SGCD: variants seen among roughly 807,000 people sequenced by gnomAD.
The protein encoded by SGCD is sarcoglycan delta.
A neutral mutation model predicts 36.6 loss-of-function variants in SGCD; 18 were observed. The observed-to-expected ratio is 0.49, with a 90% CI of 0.34 to 0.73. The LOEUF (loss-of-function observed/expected upper bound fraction) is 0.73. Among genes scored for constraint, SGCD ranks in the 30% least tolerant of loss-of-function variants. SGCD has a pLI of 0.01. For missense variants in SGCD, 387 were observed against 346.7 expected, an observed-to-expected ratio of 1.12 and a Z score of -0.92; for synonymous variants, 133 against 130.6, an observed-to-expected ratio of 1.02 and a Z score of -0.12.
the SGCD span, among the ~76,000 whole-genome samples, chr5:155,773,762 G>A: frequency 6.6e-6 from 1 of 152,134 alleles, no homozygotes; most frequent in Non-Finnish European, 1.5e-5. Flanking sequence ...GGGTTGAAGA[G>A]TATTTAAGGT....
In SGCD at chr5:156,551,940, G is replaced by A. The variant is rs553783933; in HGVS notation, c.295-37291G>A. On this transcript the variant is annotated intron_variant, in intron 4 of 8. Coordinates refer to ENST00000337851, the MANE Select transcript of SGCD (RefSeq NM_000337.6). ...CCAGAAAGCCTTTTCTAACCGACCT[G>A]AAAAAATGGGGTTCTTGTTTATTTT... is the stretch of plus-strand genomic sequence containing the variant. Among the ~76,000 whole-genome samples, 18 of 152,202 alleles carry A rather than the reference G, an allele frequency of 1.2e-4. No homozygotes were observed. The South Asian group carries it at 3.7e-3, about 32-fold the overall frequency.
rs536698179 is a variant in SGCD, at chr5:156,609,058, T to C, written c.502+14007T>C. Among the ~76,000 whole-genome samples, 14 of 142,204 alleles carry C rather than the reference T, an allele frequency of 9.8e-5. No homozygotes were observed. The South Asian group carries it at 3.1e-3, about 31-fold the overall frequency. The allele number at this position is 142,204 out of a possible 152,430, so 93.3% of individuals were successfully genotyped here. Reference sequence around the variant, plus strand: ...AGCCCATTTACATTTAAGGTTAATATTGTTATGTGTGAATTTGATCCTGTC... The same window carrying C: ...AGCCCATTTACATTTAAGGTTAATACTGTTATGTGTGAATTTGATCCTGTC... On this transcript the variant is annotated intron_variant, in intron 6 of 8. Coordinates refer to ENST00000337851, the MANE Select transcript of SGCD (RefSeq NM_000337.6).
At chr5:156,326,181 G>C (rs188049267), upstream of SGCD, among the ~76,000 whole-genome samples, 2 of 152,180 alleles carry the variant, frequency 1.3e-5, no homozygotes, top group Non-Finnish European at 2.9e-5. Context: ...TGTGGGAGAA[G>C]AGGGGTGTCC....
At chr5:156,564,562 C>T (rs1022346633) in intron 4 of SGCD, among the ~76,000 whole-genome samples, 13 of 152,130 alleles carry the variant, frequency 8.5e-5, no homozygotes, top group Non-Finnish European at 1.5e-5. Context: ...TAAGTACGCT[C>T]AGTGTTCAAT....
chr5:156,223,077 A>G (rs1318500324), intron 3 of SGCD, among the ~76,000 whole-genome samples: 3 of 152,050 alleles, frequency 2.0e-5, no homozygotes, highest in Admixed American at 6.6e-5. Flanking sequence ...TAAGCCTTCT[A>G]TTTGGAAGAA....
rs1405517652 is a variant in SGCD, at chr5:156,760,533, G to A, written c.*1143G>A. 6.6e-6 allele frequency: 1 copy of A among 152,542 alleles called. No individual in the cohort carries two copies. Among genetic ancestry groups the A allele is most frequent in the African/African-American group, 2.4e-5 (1 of 41,438 alleles). The allele number at this position is 152,542 out of a possible 1,614,324, so 9.4% of individuals were successfully genotyped here. A position where few individuals can be genotyped will look rare whatever the true frequency, so the allele number is the denominator to read the frequency against. ...TTCATATTCCTAAAGCCACTATTGTGTTTTCTCTAAGAAGCACTACATGCC... is the reference window on the plus strand; with the variant it reads ...TTCATATTCCTAAAGCCACTATTGTATTTTCTCTAAGAAGCACTACATGCC... On this transcript the variant is annotated 3_prime_UTR_variant, in exon 9 of 9. Coordinates refer to ENST00000337851, the MANE Select transcript of SGCD (RefSeq NM_000337.6).
chr5:156,083,750 G>T (rs1258236281), intron 1 of SGCD, among the ~76,000 whole-genome samples: 2 of 151,656 alleles, frequency 1.3e-5, no homozygotes, highest in African/African-American at 4.8e-5. Flanking sequence ...TAGTTTTTGT[G>T]TAAAGTGTGA....
chr5:155,798,618 T>C, the SGCD span, among the ~76,000 whole-genome samples: 1 of 152,340 alleles, frequency 6.6e-6, no homozygotes, highest in Non-Finnish European at 1.5e-5. Context: ...AAATTTTCTC[T>C]TCTAATGTTA....
chr5:155,942,334 G>GTATCTATC lies in SGCD; in HGVS notation c.-282+71934_-282+71941dup, dbSNP rs67577711. Among the ~76,000 whole-genome samples, 1,240 of 138,476 alleles carry GTATCTATC rather than the reference G, an allele frequency of 9.0e-3. 13 individuals carry two copies. Among genetic ancestry groups the GTATCTATC allele is most frequent in the African/African-American group, 0.029 (1,052 of 36,732 alleles). The allele number at this position is 138,476 out of a possible 152,430, so 90.8% of individuals were successfully genotyped here. On this transcript the variant is annotated intron_variant, in intron 1 of 9. Coordinates refer to the SGCD transcript ENST00000517913. ...TGTATGTATGTATGTATGTATGTAT[G>GTATCTATC]TATCTATCTATCTATCTATCTATCT...
intron 3 of SGCD, among the ~76,000 whole-genome samples, chr5:156,408,013 C>A (rs1772516000): frequency 6.6e-6 from 1 of 152,152 alleles, no homozygotes; most frequent in Non-Finnish European, 1.5e-5. Flanking sequence ...ATATTCATGT[C>A]TACCTCAAAG....
intron 3 of SGCD, among the ~76,000 whole-genome samples, chr5:156,402,711 C>T (rs1772217333): frequency 6.6e-6 from 1 of 152,138 alleles, no homozygotes. Context: ...TTATAATAAT[C>T]AAAGGGTCAG....
chr5:156,267,855 G>C (rs1766043630), intron 3 of SGCD, among the ~76,000 whole-genome samples: 1 of 152,018 alleles, frequency 6.6e-6, no homozygotes, highest in Admixed American at 6.6e-5. Context: ...TTAACTTTTA[G>C]GTTCAGAGGT....
the SGCD span, among the ~76,000 whole-genome samples, chr5:155,769,255 C>T: frequency 7.2e-5 from 11 of 151,906 alleles, no homozygotes; most frequent in Admixed American, 2.6e-4. Context: ...GTATTCCAAA[C>T]TGTGAGGAGG....
At chr5:156,364,592 C>A (rs1033347156) in intron 3 of SGCD, among the ~76,000 whole-genome samples, 1 of 152,084 alleles carries the variant, frequency 6.6e-6, no homozygotes, top group Admixed American at 6.6e-5. Flanking sequence ...TTTAATGGTT[C>A]AATATCTTTT....
Position 156,059,164 on chromosome 5 carries a change from T to C in SGCD, c.-281-58714T>C, listed in dbSNP as rs1760138507. ...TGGGAGTTTTTGAGGGCAGTTCTGT[T>C]GATTAAATTGTCCCACCTCGTGAAT... On this transcript the variant is annotated intron_variant, in intron 1 of 9. Transcript: ENST00000517913. Among the ~76,000 whole-genome samples the C allele has an allele frequency of 3.4e-5, 5 of 145,572 alleles. 1 individual carries two copies. In the South Asian group the frequency reaches 1.1e-3, roughly 31 times the overall value.
intron 1 of SGCD, among the ~76,000 whole-genome samples, chr5:155,924,803 G>A (rs1756962832): frequency 6.6e-6 from 1 of 152,124 alleles, no homozygotes; most frequent in African/African-American, 2.4e-5. Context: ...TTGTACAGGT[G>A]AAAATATTAA....
the SGCD span, among the ~76,000 whole-genome samples, chr5:155,811,667 C>T: frequency 1.7e-4 from 26 of 152,244 alleles, no homozygotes; most frequent in South Asian, 3.7e-3. Flanking sequence ...CTCTTTGTTC[C>T]CAGGTGGATC....
At chr5:155,789,596 A>G in the SGCD span, among the ~76,000 whole-genome samples, 2 of 152,278 alleles carry the variant, frequency 1.3e-5, no homozygotes, top group African/African-American at 2.4e-5. Context: ...AAAGCTGACA[A>G]GGTTTTCAAG....
intron 3 of SGCD, among the ~76,000 whole-genome samples, chr5:156,471,363 A>T (rs1040463135): frequency 2.0e-5 from 3 of 152,160 alleles, no homozygotes; most frequent in Non-Finnish European, 4.4e-5. Context: ...TTAAAAAGAA[A>T]AATGTTGAAG....
Sources: gnomAD v4.1 joint callset for allele counts (sites outside exome capture counted in the v4.1 genomes callset) on GRCh38, gnomAD v4.1.1 for gene constraint, MANE v1.5 for transcripts, NCBI Gene and HGNC (gene_info 2026-07-23, HGNC 2026-07-21) for gene names.